The following RBFOX1 variants were observed in gnomAD, a reference collection of about 807,000 sequenced individuals.
The protein encoded by RBFOX1 is RNA binding fox-1 homolog 1, also known as RNA binding protein fox-1 homolog 1.
In RBFOX1, 8 loss-of-function variants were observed where a neutral mutation model predicts 57.7. That is an observed-to-expected ratio of 0.14 (90% confidence interval 0.08 to 0.25). The LOEUF (loss-of-function observed/expected upper bound fraction) is 0.25. RBFOX1 is among the 10% of genes least tolerant of loss of function. The pLI is 1.00. For synonymous variants in RBFOX1, 326 were observed against 222.4 expected (o/e 1.47, Z -4.15); for missense variants, 611 against 548.5 (o/e 1.11, Z -1.14).
intron 3 of RBFOX1, among the ~76,000 whole-genome samples, chr16:6,754,454 C>G (rs1272486907): frequency 6.6e-6 from 1 of 152,138 alleles, no homozygotes; most frequent in African/African-American, 2.4e-5. Context: ...AAGCTCTTTC[C>G]TTTTGTTTCT....
At chr16:6,713,545 C>A (rs959565815) in intron 3 of RBFOX1, among the ~76,000 whole-genome samples, 2 of 152,112 alleles carry the variant, frequency 1.3e-5, no homozygotes, top group East Asian at 1.9e-4. Context: ...ACCCCCTCCC[C>A]AGTTGAGACA....
At chr16:6,974,491 C>T (rs948232675) in intron 3 of RBFOX1, among the ~76,000 whole-genome samples, 99 of 151,724 alleles carry the variant, frequency 6.5e-4, no homozygotes, top group African/African-American at 2.2e-3. Context: ...ATAACAGGTG[C>T]GTGCCACCAC....
At chr16:5,761,132 G>C (rs1483429624) in intron 3 of RBFOX1, among the ~76,000 whole-genome samples, 2 of 152,136 alleles carry the variant, frequency 1.3e-5, no homozygotes, top group African/African-American at 4.8e-5. Flanking sequence ...AAGGGGTAGT[G>C]TTTCAAGCAA....
intron 4 of RBFOX1, among the ~76,000 whole-genome samples, chr16:7,442,865 C>T (rs936979785): frequency 6.6e-6 from 1 of 152,066 alleles, no homozygotes; most frequent in Admixed American, 6.6e-5. Flanking sequence ...GCCTATGGCC[C>T]CTGAGAAGGA....
intron 3 of RBFOX1, among the ~76,000 whole-genome samples, chr16:5,836,260 C>T (rs934606284): frequency 6.6e-6 from 1 of 152,040 alleles, no homozygotes; most frequent in African/African-American, 2.4e-5. Flanking sequence ...GGCTTGAGAC[C>T]CTGGGACATG....
chr16:7,223,872 G>T (rs998338659), intron 4 of RBFOX1, among the ~76,000 whole-genome samples: 1 of 151,798 alleles, frequency 6.6e-6, no homozygotes, highest in South Asian at 2.1e-4. Flanking sequence ...CCATAAATCT[G>T]TTATGGCTGG....
At chr16:6,582,129 G>C (rs928489103) in intron 2 of RBFOX1, among the ~76,000 whole-genome samples, 2 of 152,118 alleles carry the variant, frequency 1.3e-5, no homozygotes, top group East Asian at 3.9e-4. Context: ...TGAGAAAGCT[G>C]ATTTAAGTCA....
chr16:7,369,855 C>T (rs190768610), intron 4 of RBFOX1, among the ~76,000 whole-genome samples: 47 of 152,342 alleles, frequency 3.1e-4, no homozygotes, highest in Admixed American at 1.6e-3. Context: ...CATTATCTCA[C>T]TTTCTTGCAG....
At chr16:6,671,148 G>A (rs1217033290) in intron 3 of RBFOX1, among the ~76,000 whole-genome samples, 6 of 152,140 alleles carry the variant, frequency 3.9e-5, no homozygotes, top group South Asian at 2.1e-4. Context: ...TATTCCAGTC[G>A]AATGGAAACA....
chr16:5,349,876 T>A (rs1360557282), intron 1 of RBFOX1, among the ~76,000 whole-genome samples: 1 of 152,184 alleles, frequency 6.6e-6, no homozygotes, highest in Non-Finnish European at 1.5e-5. Flanking sequence ...TCTCTCTCCC[T>A]GGCCAGGAAA....
At chr16:6,045,986 T>A (rs1329757262) in intron 1 of RBFOX1, among the ~76,000 whole-genome samples, 2 of 152,062 alleles carry the variant, frequency 1.3e-5, no homozygotes, top group African/African-American at 4.8e-5. Flanking sequence ...AGTGAGGAGA[T>A]GAGTTGTGTG....
intron 2 of RBFOX1, among the ~76,000 whole-genome samples, chr16:6,401,553 C>A (rs773870358): frequency 6.6e-6 from 1 of 152,056 alleles, no homozygotes; most frequent in South Asian, 2.1e-4. Flanking sequence ...TAGGGGACAG[C>A]AGTGTTTAGC....
intron 4 of RBFOX1, among the ~76,000 whole-genome samples, chr16:7,202,059 A>G (rs2088666199): frequency 6.6e-6 from 1 of 152,190 alleles, no homozygotes; most frequent in African/African-American, 2.4e-5. Flanking sequence ...TCTTTCTCCT[A>G]GAGCCGCTTA....
intron 14 of RBFOX1, among the ~76,000 whole-genome samples, chr16:7,684,294 A>G (rs1291568735): frequency 3.9e-5 from 6 of 152,116 alleles, no homozygotes; most frequent in East Asian, 1.9e-4. Context: ...GATGAATTTC[A>G]TATTTAATTA....
chr16:5,958,587 A>C (rs2059691645), intron 4 of RBFOX1, among the ~76,000 whole-genome samples: 1 of 152,240 alleles, frequency 6.6e-6, no homozygotes. Context: ...GAGATAATAC[A>C]GGTGTATTAC....
At chr16:7,611,892 T>C (rs1211984454) in intron 10 of RBFOX1, among the ~76,000 whole-genome samples, 2 of 152,190 alleles carry the variant, frequency 1.3e-5, no homozygotes, top group Middle Eastern at 3.2e-3. Context: ...CAGATACACA[T>C]ACATCAGCAC....
chr16:6,919,758 C>G (rs943157457), intron 3 of RBFOX1, among the ~76,000 whole-genome samples: 4 of 140,424 alleles, frequency 2.8e-5, no homozygotes, highest in African/African-American at 8.1e-5. Flanking sequence ...AGTGACCTGG[C>G]TAAGATCATT....
chr16:7,143,378 C>G (rs921014092), intron 4 of RBFOX1, among the ~76,000 whole-genome samples: 69 of 152,030 alleles, frequency 4.5e-4, no homozygotes, highest in African/African-American at 1.6e-3. Flanking sequence ...ATTAAACGAC[C>G]CAAGAAAATG....
At chr16:7,560,284 T>C (rs2090008325) in intron 5 of RBFOX1, among the ~76,000 whole-genome samples, 1 of 152,212 alleles carries the variant, frequency 6.6e-6, no homozygotes, top group South Asian at 2.1e-4. Flanking sequence ...CCTCCCTACA[T>C]CTCTGATCCT....
Sources: allele counts gnomAD v4.1 joint callset (sites outside exome capture counted in the v4.1 genomes callset), GRCh38; gene constraint gnomAD v4.1.1; transcripts MANE v1.5; gene names NCBI Gene and HGNC (gene_info 2026-07-23, HGNC 2026-07-21).